The following CYP4V2 variants were observed in gnomAD, a reference collection of about 807,000 sequenced individuals.
CYP4V2 encodes cytochrome P450 family 4 subfamily V member 2, also known as cytochrome P450 4V2.
In CYP4V2, 55 loss-of-function variants were observed where a neutral mutation model predicts 60.8. The observed-to-expected ratio is 0.90, with a 90% CI of 0.73 to 1.13. CYP4V2 has a LOEUF of 1.13. Among genes scored for constraint, CYP4V2 ranks in the 50% most tolerant of loss-of-function variants. The pLI is 0.00. For missense variants in CYP4V2, 675 were observed against 662.9 expected, an observed-to-expected ratio of 1.02 and a Z score of -0.20; for synonymous variants, 239 against 236.8, an observed-to-expected ratio of 1.01 and a Z score of -0.08.
intron 1 of CYP4V2, among the ~76,000 whole-genome samples, 184 bp from the exon 2 acceptor site, chr4:186,194,316 C>G (rs1736078428): frequency 6.6e-6 from 1 of 152,142 alleles, no homozygotes; most frequent in Admixed American, 6.5e-5. Context: ...TTGAAAAAAA[C>G]TTTAGACTTA....
chr4:186,205,164 C>T, intron 7 of CYP4V2, 36 bp from the exon 8 acceptor site: 1 of 1,594,712 alleles, frequency 6.3e-7, no homozygotes, highest in Non-Finnish European at 8.6e-7. Flanking sequence ...CGCAGCATAA[C>T]TCTGCTTTTT....
At position 186,195,499 on chromosome 4, in the gene CYP4V2, G is replaced by A. The variant is rs939466174; in HGVS notation, c.328-504G>A. 1.3e-5 allele frequency among the ~76,000 whole-genome samples: 2 copies of A among 152,104 alleles called. No individual in the cohort carries two copies. The highest frequency in any genetic ancestry group is 4.8e-5 in the African/African-American group (2 of 41,412). On this transcript the variant is annotated intron_variant, in intron 2 of 10. Transcript: ENST00000378802. This position sits in a 1 kb window ranked among gnomAD's most constrained non-coding sequence, Gnocchi z 4.1. ...ACTTCACGTGGACTCTGGGTGATCC[G>A]ATCACGTTCATGGCTTCCATTGCTG...
Position 186,210,679 on chromosome 4 carries a change from CTTTAT to C in CYP4V2, c.*43_*47del. 6.2e-7 allele frequency: 1 copy of C among 1,610,254 alleles called. No individual in the cohort carries two copies. Among genetic ancestry groups the C allele is most frequent in the Non-Finnish European group, 8.5e-7 (1 of 1,177,080 alleles). On this transcript the variant is annotated 3_prime_UTR_variant, in exon 11 of 11. Coordinates refer to ENST00000378802, the MANE Select transcript of CYP4V2 (RefSeq NM_207352.4). ...GTTGTGCCTTTATCATGAGAAAGGT[CTTTAT>C]TTTAAGAGATCCTTGTCATTTACAA...
At chr4:186,201,564 T>C (rs978995724) in intron 7 of CYP4V2, 5 of 418,556 alleles carry the variant, frequency 1.2e-5, no homozygotes, top group African/African-American at 8.2e-5. Context: ...GTAGACACAT[T>C]TGTTTTTCCT....
Position 186,209,245 on chromosome 4 carries a change from T to C in CYP4V2, c.1378T>C (p.Phe460Leu), listed in dbSNP as rs1736634848. 1 of 1,614,050 alleles carries C rather than the reference T, an allele frequency of 6.2e-7. No individual in the cohort carries two copies. Among genetic ancestry groups the C allele is most frequent in the East Asian group, 2.2e-5 (1 of 44,868 alleles). ...QGRHPYAYVP[F>L]SAGPRNCIGQ... ...GCGCCATCCATATGCCTACGTGCCC[T>C]TCTCTGCTGGCCCCAGGAACTGTAT... Residue 460 changes from phenylalanine (F) to leucine (L), a missense_variant, in exon 10 of 11, where the codon TTC becomes CTC. Transcript: ENST00000378802.
intron 8 of CYP4V2, among the ~76,000 whole-genome samples, chr4:186,208,351 C>T (rs1015583742): frequency 1.3e-5 from 2 of 151,138 alleles, no homozygotes; most frequent in African/African-American, 4.9e-5. Context: ...TCCACGTGTT[C>T]TTCTTTGAAG....
At chr4:186,209,419 C>T (rs1216063394) in intron 10 of CYP4V2, 147 bp downstream of exon 10, 5 of 1,026,790 alleles carry the variant, frequency 4.9e-6, no homozygotes, top group Non-Finnish European at 7.2e-6. Flanking sequence ...CCTCACTGTG[C>T]TTTGTAGTTT....
At chr4:186,204,409 G>A (rs1177877087) in intron 7 of CYP4V2, 4 of 193,808 alleles carry the variant, frequency 2.1e-5, no homozygotes, top group African/African-American at 4.9e-5. Context: ...AGGTGGCGGT[G>A]GAGACGTTTC....
At chr4:186,192,765 C>T (rs1321568538) in intron 1 of CYP4V2, among the ~76,000 whole-genome samples, 16 of 152,160 alleles carry the variant, frequency 1.1e-4, no homozygotes, top group Admixed American at 1.0e-3. Context: ...AGGGCGAACT[C>T]GATCTCAGAG....
Position 186,195,030 on chromosome 4 carries a change from T to C in CYP4V2, c.327+418T>C, listed in dbSNP as rs1014789056. On this transcript the variant is annotated intron_variant, in intron 2 of 10. Transcript: ENST00000378802. This position sits in a 1 kb window ranked among gnomAD's most constrained non-coding sequence, Gnocchi z 4.1. ...AACTTAGTCCAAATTTAAAAGACAA[T>C]GCAAATTTGATATTTATGGGATAAA... Among the ~76,000 whole-genome samples the C allele has an allele frequency of 6.6e-6, 1 of 152,186 alleles. No homozygotes were observed. The highest frequency in any genetic ancestry group is 1.5e-5 in the Non-Finnish European group (1 of 68,028).
Position 186,212,838 on chromosome 4 carries a change from A to G in CYP4V2, c.*2197A>G, listed in dbSNP as rs1281012710. 2.0e-5 allele frequency: 3 copies of G among 152,214 alleles called. No homozygotes were observed. Among genetic ancestry groups the G allele is most frequent in the Non-Finnish European group, 2.9e-5 (2 of 68,044 alleles). 9.4% of individuals were successfully genotyped at this position (152,214 alleles called of 1,614,324 possible). On this transcript the variant is annotated 3_prime_UTR_variant, in exon 11 of 11. Coordinates refer to ENST00000378802, the MANE Select transcript of CYP4V2 (RefSeq NM_207352.4). ...CAAATTGCACCCATTTAACTATCCC[A>G]AAGAGCCACAGTGCCTACAACCCAG...
intron 2 of CYP4V2, among the ~76,000 whole-genome samples, chr4:186,194,943 A>C (rs1213063576): frequency 6.6e-6 from 1 of 152,234 alleles, no homozygotes; most frequent in Non-Finnish European, 1.5e-5. Context: ...TTAAGACTTC[A>C]AAAATATATG....
chr4:186,200,801 T>C (rs182268875), intron 6 of CYP4V2, among the ~76,000 whole-genome samples: 3 of 152,328 alleles, frequency 2.0e-5, no homozygotes, highest in Non-Finnish European at 4.4e-5. Flanking sequence ...ATTAGACTGT[T>C]GTATAATGAT....
intron 8 of CYP4V2, among the ~76,000 whole-genome samples, chr4:186,206,350 C>A (rs1300066572): frequency 6.6e-6 from 1 of 152,196 alleles, no homozygotes; most frequent in Non-Finnish European, 1.5e-5. Flanking sequence ...GCCAAGAGTT[C>A]TCTTCTTCCA....
chr4:186,192,081 C>G (rs1185334197), intron 1 of CYP4V2, 44 bp downstream of exon 1: 2 of 1,534,848 alleles, frequency 1.3e-6, no homozygotes, highest in Admixed American at 2.0e-5. Flanking sequence ...GGTCCGCAGC[C>G]CCGTTCCCAC....
chr4:186,194,722 A>T (rs542832725), intron 2 of CYP4V2, 110 bp downstream of exon 2: 10 of 986,150 alleles, frequency 1.0e-5, no homozygotes, highest in Non-Finnish European at 1.6e-5. Context: ...AGCACAAAAA[A>T]CATTCCACTA....
chr4:186,210,328 A>G, intron 10 of CYP4V2, 141 bp from the exon 11 acceptor site: 1 of 981,358 alleles, frequency 1.0e-6, no homozygotes, highest in Non-Finnish European at 1.6e-6. Flanking sequence ...TTCATCTTTA[A>G]CAGGTGTTCC....
intron 7 of CYP4V2, chr4:186,204,365 A>G (rs1311224887): frequency 8.5e-6 from 1 of 118,164 alleles, no homozygotes; most frequent in Non-Finnish European, 1.9e-5. Context: ...CGCTGGCGTA[A>G]GAGGCGGCGG....
intron 7 of CYP4V2, chr4:186,204,478 G>A (rs1736436971): frequency 6.6e-6 from 1 of 152,560 alleles, no homozygotes; most frequent in East Asian, 1.8e-4. Context: ...GAGGTGGAGC[G>A]TCCTTACTGC....
Sources: gnomAD v4.1 joint callset for allele counts (sites outside exome capture counted in the v4.1 genomes callset) on GRCh38, gnomAD v4.1.1 for gene constraint, Gnocchi (gnomAD v3.1) non-coding constraint, MANE v1.5 for transcripts, NCBI Gene and HGNC (gene_info 2026-07-23, HGNC 2026-07-21) for gene names.